The following RBL2 variants were observed in gnomAD, a reference collection of about 807,000 sequenced individuals.
RBL2 encodes RB transcriptional corepressor like 2.
In RBL2, 56 loss-of-function variants were observed where a neutral mutation model predicts 126.0. That is an observed-to-expected ratio of 0.44 (90% CI 0.36 to 0.56). The LOEUF (loss-of-function observed/expected upper bound fraction) is 0.56, where lower values mean the gene tolerates loss of function less well. RBL2 is among the 20% of genes least tolerant of loss of function. The probability of loss-of-function intolerance (pLI) is 0.00; values close to 1 mark genes in which losing one functional copy is unlikely to be tolerated. For synonymous variants in RBL2, 454 were observed against 478.5 expected, an observed-to-expected ratio of 0.95 and a Z score of 0.67; for missense variants, 1,229 against 1,398.2, an observed-to-expected ratio of 0.88 and a Z score of 1.93.
intron 17 of RBL2, among the ~76,000 whole-genome samples, chr16:53,472,049 GATA>G (rs1248123233): frequency 2.0e-5 from 3 of 152,088 alleles, no homozygotes; most frequent in South Asian, 2.1e-4. Flanking sequence ...TTTTACTTAG[GATA>G]ATATTTTCCA....
chr16:53,489,796 C>T (rs946088024), intron 21 of RBL2: 4 of 182,330 alleles, frequency 2.2e-5, no homozygotes, highest in Non-Finnish European at 4.5e-5. Flanking sequence ...GTCTAAGTGA[C>T]TATCAGATAG....
rs145130369 is a variant in RBL2, at chr16:53,459,540, G to A, written c.1269G>A (p.Thr423=). 107 of 1,610,264 alleles carry A rather than the reference G, an allele frequency of 6.6e-5. 1 individual carries two copies. The African/African-American group carries it at 1.1e-3, about 16-fold the overall frequency. ...GTGTGACTCCAGTTTCTACAGCTAC[G>A]CATAGCTTGAGTCGTCTTCACACCA... ...SPCVTPVSTA[T]HSLSRLHTML... is the part of the protein sequence containing the mutation. Residue 423 remains threonine, a synonymous_variant, in exon 9 of 22, where the codon ACG becomes ACA. Transcript: ENST00000262133.
intron 20 of RBL2, chr16:53,481,419 C>T (rs1432309860): frequency 1.9e-5 from 7 of 368,310 alleles, no homozygotes; most frequent in East Asian, 5.4e-5. Flanking sequence ...ATAACTAGTT[C>T]CTAGCATATG....
At position 53,434,645 on chromosome 16, in the gene RBL2, A is replaced by G; in HGVS notation, c.89A>G (p.Glu30Gly). 1 of 1,564,000 alleles carries G rather than the reference A, an allele frequency of 6.4e-7. No individual in the cohort carries two copies. The highest frequency in any genetic ancestry group is 8.6e-7 in the Non-Finnish European group (1 of 1,164,944). Residue 30 changes from glutamate to glycine, a missense_variant, in exon 1 of 22, where the codon GAG (glutamate) becomes GGG (glycine). Transcript: ENST00000262133. Reference protein sequence around the residue: ...ASDEEEEDDGEAEDAAPPAES... With the variant: ...ASDEEEEDDGGAEDAAPPAES... ...GATGAGGAGGAGGAGGACGACGGCG[A>G]GGCGGAAGACGCCGCGCCGCCTGCC...
At chr16:53,439,221 C>T in intron 2 of RBL2, 75 bp downstream of exon 2, 1 of 1,286,342 alleles carries the variant, frequency 7.8e-7, no homozygotes, top group Non-Finnish European at 1.0e-6. Context: ...TAAGAATTAT[C>T]TCTGTTTATC....
chr16:53,441,118 C>T (rs191216741), intron 2 of RBL2, among the ~76,000 whole-genome samples: 1 of 151,936 alleles, frequency 6.6e-6, no homozygotes, highest in East Asian at 1.9e-4. Flanking sequence ...TACCACTATA[C>T]CTGACTAATT....
chr16:53,454,629 T>G (rs960777001), intron 7 of RBL2, 27 bp from the exon 8 acceptor site: 6 of 1,538,342 alleles, frequency 3.9e-6, no homozygotes, highest in Non-Finnish European at 8.9e-7. Context: ...AGAGAGTACA[T>G]TTTGTCTGTA....
rs1309148154 is a variant in RBL2 at position 53,451,685 on chromosome 16, C to G, written c.638-18C>G. On this transcript the variant is annotated intron_variant, in intron 4 of 21. Coordinates refer to ENST00000262133, the MANE Select transcript of RBL2 (RefSeq NM_005611.4). ...AGTCAATGCTAATTTAACTCTGTAA[C>G]TGCTTATAATCCTGCAGGTAATTTC... 6.2e-7 allele frequency: 1 copy of G among 1,609,700 alleles called. No individual in the cohort carries two copies. The highest frequency in any genetic ancestry group is 1.1e-5 in the South Asian group (1 of 90,540).
At chr16:53,437,133 AC>A (rs2057966175) in intron 1 of RBL2, among the ~76,000 whole-genome samples, 1 of 151,856 alleles carries the variant, frequency 6.6e-6, no homozygotes, top group South Asian at 2.1e-4. Flanking sequence ...TATCTTTTAA[AC>A]CCTTTATTGA....
intron 10 of RBL2, among the ~76,000 whole-genome samples, chr16:53,462,285 T>C (rs932217100): frequency 2.0e-5 from 3 of 151,826 alleles, no homozygotes; most frequent in East Asian, 1.9e-4. Flanking sequence ...TGTTCAAACA[T>C]AGAGGAAAAA....
chr16:53,447,218 T>C (rs2058070803), intron 4 of RBL2, 112 bp downstream of exon 4: 1 of 541,818 alleles, frequency 1.8e-6, no homozygotes, highest in Non-Finnish European at 3.1e-6. Context: ...GAAAATTTTC[T>C]CAAGGGTTTT....
intron 8 of RBL2, among the ~76,000 whole-genome samples, chr16:53,458,160 A>T (rs1356507891): frequency 6.6e-6 from 1 of 152,252 alleles, no homozygotes; most frequent in Non-Finnish European, 1.5e-5. Flanking sequence ...TTGTTTCTGT[A>T]TACAGTAAAT....
At chr16:53,458,395 C>A (rs907255279) in intron 8 of RBL2, among the ~76,000 whole-genome samples, 3 of 152,170 alleles carry the variant, frequency 2.0e-5, no homozygotes, top group African/African-American at 7.2e-5. Context: ...ACATCTTCTC[C>A]ATATTTATTG....
chr16:53,466,338 T>C (rs1226033321), intron 13 of RBL2, among the ~76,000 whole-genome samples: 1 of 152,144 alleles, frequency 6.6e-6, no homozygotes, highest in East Asian at 1.9e-4. Flanking sequence ...AATTTTTCCA[T>C]GGACAGGGTT....
intron 21 of RBL2, chr16:53,488,935 G>GA (rs1455017396): frequency 5.3e-5 from 8 of 152,056 alleles, no homozygotes; most frequent in Non-Finnish European, 8.8e-5. Flanking sequence ...AAGATTTTGT[G>GA]GCCAGGTGCA....
rs188675263 is a variant in RBL2 at position 53,438,026 on chromosome 16, C to A, written c.241-990C>A. On this transcript the variant is annotated intron_variant, in intron 1 of 21. Transcript: ENST00000262133. ...TGGGTGACACAGTGAGACTCCATCT[C>A]AAAAAAAATAAAAAATAAATAAAAA... is the stretch of plus-strand genomic sequence containing the variant. Among the ~76,000 whole-genome samples the A allele has an allele frequency of 7.9e-4, 119 of 150,048 alleles. No homozygotes were observed. The East Asian group carries it at 0.02, about 26-fold the overall frequency.
chr16:53,483,670 C>T (rs929838079), intron 21 of RBL2, among the ~76,000 whole-genome samples: 3 of 152,134 alleles, frequency 2.0e-5, no homozygotes, highest in African/African-American at 7.2e-5. Flanking sequence ...ATGGGTGGAT[C>T]ACCTGAGGTC....
chr16:53,444,967 A>C (rs977011054), intron 3 of RBL2, among the ~76,000 whole-genome samples: 3 of 152,192 alleles, frequency 2.0e-5, no homozygotes, highest in African/African-American at 7.2e-5. Context: ...AGTATCTGGA[A>C]AATAATTTCA....
rs1476919553 is a variant in RBL2, at chr16:53,454,226, A to G, written c.993-430A>G. 10 of 453,708 alleles carry G rather than the reference A, an allele frequency of 2.2e-5. No individual in the cohort carries two copies. In the Admixed American group the frequency reaches 2.4e-4, roughly 11 times the overall value. 28.1% of individuals were successfully genotyped at this position (453,708 alleles called of 1,614,324 possible). A position where few individuals can be genotyped will look rare whatever the true frequency, so the allele number is the denominator to read the frequency against. ...TTTTTGTTTTGTTTTGTTTTTTGAG[A>G]TGGAGTCTCGCTGTGTCGCCCAGGC... is the stretch of plus-strand genomic sequence containing the variant. On this transcript the variant is annotated intron_variant, in intron 7 of 21. Transcript: ENST00000262133.
Sources: gnomAD v4.1 joint callset for allele counts (sites outside exome capture counted in the v4.1 genomes callset) on GRCh38, gnomAD v4.1.1 for gene constraint, MANE v1.5 for transcripts, NCBI Gene and HGNC (gene_info 2026-07-23, HGNC 2026-07-21) for gene names.